The following PIK3C2G variants were observed in gnomAD, a reference collection of about 807,000 sequenced individuals.
PIK3C2G encodes phosphatidylinositol 3-kinase C2 domain-containing subunit gamma.
In PIK3C2G, 168 loss-of-function variants were observed where a neutral mutation model predicts 181.1. That is an observed-to-expected ratio of 0.93 (90% confidence interval 0.82 to 1.05). The LOEUF is 1.05. Among genes scored for constraint, PIK3C2G ranks in the 50% least tolerant of loss-of-function variants. PIK3C2G has a pLI of 0.00. For missense variants in PIK3C2G, 1,869 were observed against 1,732.8 expected (o/e 1.08, Z -1.40); for synonymous variants, 573 against 592.2 (o/e 0.97, Z 0.47).
chr12:18,314,217 T>C (rs1477433530), intron 6 of PIK3C2G, among the ~76,000 whole-genome samples, 153 bp downstream of exon 6: 2 of 152,170 alleles, frequency 1.3e-5, no homozygotes, highest in African/African-American at 4.8e-5. Flanking sequence ...AAATATCTTA[T>C]CTAAATATAA....
At chr12:18,375,673 T>A (rs929879278) in intron 13 of PIK3C2G, among the ~76,000 whole-genome samples, 5 of 152,134 alleles carry the variant, frequency 3.3e-5, no homozygotes, top group Non-Finnish European at 5.9e-5. Flanking sequence ...CAAGAAAATG[T>A]GAAAAAGGTC....
rs188238659 is a variant in PIK3C2G at position 18,491,555 on chromosome 12, C to T, written c.2790C>T (p.His930=). ...NPALCIKGID[H]DACSYFTSNA... Reference sequence around the variant, plus strand: ...CCCTATGTATAAAAGGGATTGATCACGATGTAAGTCAACTTATTCCTCAGA... The same window carrying T: ...CCCTATGTATAAAAGGGATTGATCATGATGTAAGTCAACTTATTCCTCAGA... The change falls in exon 20 of 33, where the codon CAC becomes CAT. Residue 930 remains histidine (H), a synonymous_variant. Coordinates refer to ENST00000538779, the MANE Select transcript of PIK3C2G (RefSeq NM_001288772.2). The T allele has an allele frequency of 6.5e-5, 97 of 1,484,640 alleles. No individual in the cohort carries two copies. In the Admixed American group the frequency reaches 1.4e-3, roughly 22 times the overall value. 92.0% of individuals were successfully genotyped at this position (1,484,640 alleles called of 1,614,324 possible).
chr12:18,422,048 T>C (rs1301334060), intron 17 of PIK3C2G, among the ~76,000 whole-genome samples: 1 of 152,096 alleles, frequency 6.6e-6, no homozygotes, highest in Non-Finnish European at 1.5e-5. Flanking sequence ...CAACATGCTA[T>C]TTCGAGCCCA....
chr12:18,363,737 C>T (rs1379207653), intron 12 of PIK3C2G, among the ~76,000 whole-genome samples: 2 of 152,048 alleles, frequency 1.3e-5, no homozygotes, highest in African/African-American at 2.4e-5. Context: ...TTAATAAATA[C>T]GTGTCAGAAT....
At chr12:18,263,560 A>G (rs10770344) in intron 1 of PIK3C2G, among the ~76,000 whole-genome samples, 12,065 of 152,140 alleles carry the variant, frequency 0.079, 1,071 homozygotes, top group East Asian at 0.48. Flanking sequence ...GTTGCCATTT[A>G]AATTTCAAAT....
At chr12:18,367,742 C>G (rs950740349) in intron 12 of PIK3C2G, among the ~76,000 whole-genome samples, 1 of 151,650 alleles carries the variant, frequency 6.6e-6, no homozygotes, top group Non-Finnish European at 1.5e-5. Context: ...ATTTTTAGTA[C>G]AGACAGGGTT....
chr12:18,305,779 C>T (rs1164709428), intron 5 of PIK3C2G, among the ~76,000 whole-genome samples: 3 of 151,862 alleles, frequency 2.0e-5, no homozygotes, highest in Non-Finnish European at 4.4e-5. Flanking sequence ...AATAATAAAA[C>T]CTTAGGATAG....
At chr12:18,511,193 G>A (rs1238950054) in intron 24 of PIK3C2G, among the ~76,000 whole-genome samples, 1 of 152,080 alleles carries the variant, frequency 6.6e-6, no homozygotes, top group Non-Finnish European at 1.5e-5. Flanking sequence ...ATTTCATTGT[G>A]TGTACGTACT....
At chr12:18,281,218 A>T (rs965719535) in intron 1 of PIK3C2G, among the ~76,000 whole-genome samples, 1 of 148,962 alleles carries the variant, frequency 6.7e-6, no homozygotes, top group African/African-American at 2.5e-5. Flanking sequence ...AAAGAATAAC[A>T]GGGAAGAAAA....
chr12:18,663,678 T>C, the PIK3C2G span, among the ~76,000 whole-genome samples: 1 of 151,782 alleles, frequency 6.6e-6, no homozygotes, highest in Non-Finnish European at 1.5e-5. Flanking sequence ...CTTTATGATG[T>C]TGGATTTGGC....
At chr12:18,280,890 T>G (rs1012401166) in intron 1 of PIK3C2G, among the ~76,000 whole-genome samples, 1 of 151,984 alleles carries the variant, frequency 6.6e-6, no homozygotes, top group African/African-American at 2.4e-5. Context: ...GATATATTTA[T>G]GTAGTACATC....
intron 18 of PIK3C2G, among the ~76,000 whole-genome samples, chr12:18,441,997 TAATTC>T (rs1416768733): frequency 6.6e-6 from 1 of 152,200 alleles, no homozygotes; most frequent in Non-Finnish European, 1.5e-5. Flanking sequence ...AATAAAAGTT[TAATTC>T]AGTAGTGAGG....
chr12:18,300,794 G>C (rs913292242), intron 5 of PIK3C2G, among the ~76,000 whole-genome samples: 1 of 151,992 alleles, frequency 6.6e-6, no homozygotes, highest in Non-Finnish European at 1.5e-5. Flanking sequence ...CTAACAGTAA[G>C]TTTTATACTT....
At chr12:18,408,388 T>A (rs1465748137) in intron 16 of PIK3C2G, among the ~76,000 whole-genome samples, 2 of 152,202 alleles carry the variant, frequency 1.3e-5, no homozygotes, top group Non-Finnish European at 2.9e-5. Context: ...TCTGGCATTA[T>A]TTCTGAGGCC....
At chr12:18,352,558 C>G (rs1357415971) in intron 11 of PIK3C2G, among the ~76,000 whole-genome samples, 1 of 152,236 alleles carries the variant, frequency 6.6e-6, no homozygotes, top group Non-Finnish European at 1.5e-5. Context: ...TTACAGTGCT[C>G]TCTTTGCCAT....
chr12:18,617,532 T>TCATAA (rs1352929493), intron 31 of PIK3C2G, among the ~76,000 whole-genome samples: 1 of 152,168 alleles, frequency 6.6e-6, no homozygotes, highest in Non-Finnish European at 1.5e-5. Flanking sequence ...TTCCAAGATC[T>TCATAA]CATAACTAAG....
intron 4 of PIK3C2G, among the ~76,000 whole-genome samples, chr12:18,292,573 A>G (rs558631796): frequency 1.3e-5 from 2 of 152,202 alleles, no homozygotes; most frequent in South Asian, 2.1e-4. Flanking sequence ...GAAAGACCAT[A>G]GGTTGGGTCA....
chr12:18,720,777 C>T, the PIK3C2G span, among the ~76,000 whole-genome samples: 1 of 151,914 alleles, frequency 6.6e-6, no homozygotes, highest in Non-Finnish European at 1.5e-5. Flanking sequence ...AGAATGCTCA[C>T]ATTAGCATTA....
intron 6 of PIK3C2G, chr12:18,314,684 A>G (rs4387408): frequency 0.33 from 50,041 of 152,112 alleles, 8,662 homozygotes; most frequent in East Asian, 0.59. Flanking sequence ...TGACTAATAC[A>G]CTGAGTATAA....
Sources: allele counts gnomAD v4.1 joint callset (sites outside exome capture counted in the v4.1 genomes callset), GRCh38; gene constraint gnomAD v4.1.1; transcripts MANE v1.5; gene names NCBI Gene and HGNC (gene_info 2026-07-23, HGNC 2026-07-21).